Variants in DICER1 observed in about 807,000 individuals in gnomAD.
The protein encoded by DICER1 is dicer 1, ribonuclease III.
In DICER1, 43 loss-of-function variants were observed where a neutral mutation model predicts 194.1. The ratio of observed to expected loss-of-function variants is 0.22; its 90% CI spans 0.17 to 0.29. DICER1 has a LOEUF of 0.29. Ranked by LOEUF, DICER1 falls within the 10% of genes least tolerant of loss-of-function variation. The pLI, the probability that DICER1 is intolerant of heterozygous loss-of-function variation, is 1.00. For missense variants in DICER1, 1,608 were observed against 2,317.0 expected, an observed-to-expected ratio of 0.69 and a Z score of 6.28; for synonymous variants, 832 against 820.5, an observed-to-expected ratio of 1.01 and a Z score of -0.24.
In DICER1 at chr14:95,105,911, G is replaced by T; in HGVS notation, c.2988-128C>A. 7.1e-7 allele frequency: 1 copy of T among 1,405,460 alleles called. No individual in the cohort carries two copies. The highest frequency in any genetic ancestry group is 1.0e-6 in the Non-Finnish European group (1 of 991,034). The allele number at this position is 1,405,460 out of a possible 1,614,324, so 87.1% of individuals were successfully genotyped here. A position where few individuals can be genotyped will look rare whatever the true frequency, so the allele number is the denominator to read the frequency against. On this transcript the variant is annotated intron_variant, in intron 18 of 26. Coordinates refer to ENST00000343455, the MANE Select transcript of DICER1 (RefSeq NM_177438.3). This position sits in a 1 kb window ranked among gnomAD's most constrained non-coding sequence, Gnocchi z 4.9. ...CTTGGGCTACCCCTTGGGCAAGTTT[G>T]TGTGCAAAGCATCTCCTGATTTCAG...
intron 14 of DICER1, among the ~76,000 whole-genome samples, chr14:95,110,201 T>C (rs1891829965): frequency 6.6e-6 from 1 of 152,164 alleles, no homozygotes; most frequent in Admixed American, 6.5e-5. Context: ...TTAAAATAAA[T>C]GTGAGCTATA....
chr14:95,109,112 T>C (rs1250195995), intron 14 of DICER1, among the ~76,000 whole-genome samples: 1 of 152,216 alleles, frequency 6.6e-6, no homozygotes, highest in Non-Finnish European at 1.5e-5. Flanking sequence ...TTTTATCCCG[T>C]TACTGTAAAG....
In DICER1 at chr14:95,087,003, C is replaced by T. The variant is rs1889388152; in HGVS notation, c.*3495G>A. 3 of 233,000 alleles carry T rather than the reference C, an allele frequency of 1.3e-5. No homozygotes were observed. The highest frequency in any genetic ancestry group is 1.1e-4 in the Admixed American group (2 of 17,764). 14.4% of individuals were successfully genotyped at this position (233,000 alleles called of 1,614,324 possible). ...TATCAAGGTCTCAGTTTGGTGGCTT[C>T]AATCTTGTGTAAAGGGATTAGACAC... On this transcript the variant is annotated 3_prime_UTR_variant, in exon 27 of 27. Coordinates refer to ENST00000343455, the MANE Select transcript of DICER1 (RefSeq NM_177438.3).
chr14:95,156,614 G>C lies in DICER1; in HGVS notation c.-46+616C>G, dbSNP rs149365339. On this transcript the variant is annotated intron_variant, in intron 1 of 26. Coordinates refer to ENST00000343455, the MANE Select transcript of DICER1 (RefSeq NM_177438.3). ...CCAAAATCAAAAACCCTGAAGAAAG[G>C]GTCCTCCGCAGGGTCTAGGCATTTT... Among the ~76,000 whole-genome samples, 75 of 152,354 alleles carry C rather than the reference G, an allele frequency of 4.9e-4. 1 individual carries two copies. The East Asian group carries it at 0.013, about 27-fold the overall frequency.
At position 95,117,688 on chromosome 14, in the gene DICER1, T is replaced by C. The variant is rs1463188184; in HGVS notation, c.1443A>G (p.Gly481=). 1 of 1,613,958 alleles carries C rather than the reference T, an allele frequency of 6.2e-7. No individual in the cohort carries two copies. Among genetic ancestry groups the C allele is most frequent in the Non-Finnish European group, 8.5e-7 (1 of 1,179,934 alleles). ...GAGGCTGATTCTTCCCAATGCCATG[T>C]CCAGTTATGAAATTGCTACTGATAT... is the stretch of plus-strand genomic sequence containing the variant. ...LAYISSNFIT[G]HGIGKNQPRN... is the part of the protein sequence containing the mutation. Residue 481 remains glycine (G), a synonymous_variant, in exon 9 of 27, where the codon GGA becomes GGG. Transcript: ENST00000343455.
rs1432004700 is a variant in DICER1 at position 95,091,680 on chromosome 14, G to GA, written c.5365-316dup. ...AATTAGAAATAGTCAATAAAAGTAT[G>GA]AAAAAAATTCAAATTCACTCGTAAT... is the stretch of plus-strand genomic sequence containing the variant. On this transcript the variant is annotated intron_variant, in intron 24 of 26. Coordinates refer to ENST00000343455, the MANE Select transcript of DICER1 (RefSeq NM_177438.3). Among the ~76,000 whole-genome samples the GA allele has an allele frequency of 7.9e-5, 12 of 152,170 alleles. 1 individual carries two copies. The East Asian group carries it at 2.3e-3, about 29-fold the overall frequency.
At chr14:95,123,141 G>GT (rs1207559377) in intron 8 of DICER1, among the ~76,000 whole-genome samples, 1 of 152,052 alleles carries the variant, frequency 6.6e-6, no homozygotes, top group African/African-American at 2.4e-5. Flanking sequence ...AAAAATAAGA[G>GT]TATCTATCTA....
At chr14:95,109,205 G>T (rs1015324279) in intron 14 of DICER1, among the ~76,000 whole-genome samples, 6 of 152,148 alleles carry the variant, frequency 3.9e-5, no homozygotes, top group African/African-American at 1.2e-4. Context: ...TAATTAAATG[G>T]ACATTGCTGC....
At chr14:95,130,531 A>G (rs1198186015) in intron 4 of DICER1, among the ~76,000 whole-genome samples, 1 of 152,120 alleles carries the variant, frequency 6.6e-6, no homozygotes, top group Non-Finnish European at 1.5e-5. Context: ...CACACTTTTT[A>G]TTTTTTTCTG....
Position 95,108,433 on chromosome 14 carries a change from A to C in DICER1, c.2327T>G (p.Val776Gly), listed in dbSNP as rs1060503618. The change falls in exon 15 of 27, where the codon GTT becomes GGT. Residue 776 changes from valine (V) to glycine (G), a missense_variant. Coordinates refer to ENST00000343455, the MANE Select transcript of DICER1 (RefSeq NM_177438.3). ...QPCYLYVIGM[V>G]LTTPLPDELN... ...TTCATCAGGTAAAGGTGTAGTTAAAACCATTCCTATCACATACAGGTAACA... is the reference window on the plus strand; with the variant it reads ...TTCATCAGGTAAAGGTGTAGTTAAACCCATTCCTATCACATACAGGTAACA... 1 of 1,614,040 alleles carries C rather than the reference A, an allele frequency of 6.2e-7. No individual in the cohort carries two copies. The highest frequency in any genetic ancestry group is 8.5e-7 in the Non-Finnish European group (1 of 1,179,978).
chr14:95,155,480 A>C (rs748518412), intron 1 of DICER1, among the ~76,000 whole-genome samples: 5 of 152,242 alleles, frequency 3.3e-5, no homozygotes, highest in Non-Finnish European at 7.3e-5. Context: ...TCAAATAAGA[A>C]TCATGAGCCA....
chr14:95,156,247 T>C (rs927937384), intron 1 of DICER1, among the ~76,000 whole-genome samples: 2 of 152,230 alleles, frequency 1.3e-5, no homozygotes, highest in African/African-American at 4.8e-5. Flanking sequence ...ATCAGGATTG[T>C]AAAGATTCAG....
At chr14:95,143,819 A>G (rs1045897059) in intron 1 of DICER1, among the ~76,000 whole-genome samples, 1 of 152,166 alleles carries the variant, frequency 6.6e-6, no homozygotes, top group African/African-American at 2.4e-5. Flanking sequence ...TTTCCCTAAC[A>G]TTAGCTTTTT....
chr14:95,155,190 G>GA (rs1467313511), intron 1 of DICER1, among the ~76,000 whole-genome samples: 1 of 152,182 alleles, frequency 6.6e-6, no homozygotes, highest in African/African-American at 2.4e-5. Flanking sequence ...GATTAGAAGA[G>GA]AATGTACGTA....
At chr14:95,107,788 C>T (rs752474598) in intron 16 of DICER1, 27 bp from the exon 17 acceptor site, 1 of 1,612,630 alleles carries the variant, frequency 6.2e-7, no homozygotes, top group Non-Finnish European at 8.5e-7. Flanking sequence ...GACTCTTTAG[C>T]TTGTTAAAAC....
Position 95,124,136 on chromosome 14 carries a change from A to G in DICER1, c.1376+60T>C. On this transcript the variant is annotated intron_variant, in intron 8 of 26. Transcript: ENST00000343455. The surrounding 1 kb of genome is among the most constrained non-coding windows in gnomAD (Gnocchi z 4.5). Reference sequence around the variant, plus strand: ...GCTCTTACAGCTGCTGCAGCGCATCACATCACAACACAGGACGCCTCCCTG... The same window carrying G: ...GCTCTTACAGCTGCTGCAGCGCATCGCATCACAACACAGGACGCCTCCCTG... 8.0e-7 allele frequency: 1 copy of G among 1,252,160 alleles called. No individual in the cohort carries two copies. Among genetic ancestry groups the G allele is most frequent in the Non-Finnish European group, 1.2e-6 (1 of 859,468 alleles). 77.6% of individuals were successfully genotyped at this position (1,252,160 alleles called of 1,614,324 possible).
In DICER1 at chr14:95,113,102, G is replaced by A. The variant is rs1595396514; in HGVS notation, c.2030C>T (p.Ala677Val). 1 of 1,613,674 alleles carries A rather than the reference G, an allele frequency of 6.2e-7. No homozygotes were observed. The highest frequency in any genetic ancestry group is 8.5e-7 in the Non-Finnish European group (1 of 1,179,610). The change falls in exon 12 of 27, where the codon GCC becomes GTC. Residue 677 changes from alanine (A) to valine (V), a missense_variant. Physicochemically the swap from Ala to Val is moderately conservative, Grantham distance 64. Coordinates refer to ENST00000343455, the MANE Select transcript of DICER1 (RefSeq NM_177438.3). ...TTCTTCTAAACTTACAACAATGGAG[G>A]CTCGAAGAGGTGAGTTAATTGGCAG... is the stretch of plus-strand genomic sequence containing the variant. The part of the protein sequence containing the change: ...LYLPINSPLR[A>V]SIVGPPMSCV...
chr14:95,153,348 C>T (rs889295417), intron 1 of DICER1, among the ~76,000 whole-genome samples: 3 of 152,112 alleles, frequency 2.0e-5, no homozygotes, highest in Non-Finnish European at 4.4e-5. Flanking sequence ...AACTGATATT[C>T]GAGGGACACC....
At chr14:95,091,903 C>G (rs1209536347) in intron 24 of DICER1, among the ~76,000 whole-genome samples, 1 of 152,128 alleles carries the variant, frequency 6.6e-6, no homozygotes, top group African/African-American at 2.4e-5. Context: ...TATGTGTTCA[C>G]TATAACCGAG....
Sources: allele counts gnomAD v4.1 joint callset (sites outside exome capture counted in the v4.1 genomes callset), GRCh38; gene constraint gnomAD v4.1.1; non-coding constraint Gnocchi (gnomAD v3.1); transcripts MANE v1.5; gene names NCBI Gene and HGNC (gene_info 2026-07-23, HGNC 2026-07-21).